MLIP: variants seen among roughly 807,000 people sequenced by gnomAD.
MLIP encodes muscular LMNA-interacting protein.
Under a neutral mutation model 84.8 loss-of-function variants are expected in MLIP, and 79 were observed. That is an observed-to-expected ratio of 0.93 (90% CI 0.78 to 1.12). The LOEUF (loss-of-function observed/expected upper bound fraction) is 1.12. Ranked by LOEUF, MLIP falls within the 50% of genes most tolerant of loss-of-function variation. MLIP has a pLI of 0.00. For synonymous variants in MLIP, 504 were observed against 463.0 expected, an observed-to-expected ratio of 1.09 and a Z score of -1.14; for missense variants, 1,257 against 1,160.6, an observed-to-expected ratio of 1.08 and a Z score of -1.21.
chr6:54,240,610 C>T lies in MLIP; in HGVS notation c.2922+9693C>T, dbSNP rs142185308. On this transcript the variant is annotated intron_variant, in intron 12 of 13. Transcript: ENST00000502396. ...AGCTGTAATAGTAGGACATTTAGTT[C>T]GGTTTCAAAACCCTAACTTTAGGAC... Among the ~76,000 whole-genome samples, 327 of 152,270 alleles carry T rather than the reference C, an allele frequency of 2.1e-3. 2 individuals are homozygous for T. Among genetic ancestry groups the T allele is most frequent in the African/African-American group, 7.5e-3 (312 of 41,560 alleles).
chr6:54,192,384 T>C (rs971584116), intron 10 of MLIP, among the ~76,000 whole-genome samples: 7 of 152,040 alleles, frequency 4.6e-5, no homozygotes, highest in Admixed American at 1.3e-4. Flanking sequence ...TGTGTTTATA[T>C]TAATACTACC....
At chr6:54,090,117 T>G (rs1332184721) in intron 1 of MLIP, among the ~76,000 whole-genome samples, 10 of 152,150 alleles carry the variant, frequency 6.6e-5, no homozygotes, top group Non-Finnish European at 1.5e-4. Context: ...TTTCTTATGC[T>G]TTTGGATATT....
chr6:54,123,798 G>A (rs1277679090), intron 2 of MLIP, among the ~76,000 whole-genome samples: 2 of 152,302 alleles, frequency 1.3e-5, no homozygotes, highest in African/African-American at 2.4e-5. Flanking sequence ...AGAAAAAGAA[G>A]TTTGGTAGCT....
At chr6:54,233,604 G>A (rs1406573082) in intron 12 of MLIP, among the ~76,000 whole-genome samples, 1 of 152,146 alleles carries the variant, frequency 6.6e-6, no homozygotes, top group Non-Finnish European at 1.5e-5. Context: ...TTGGTTCCAA[G>A]TCTTTGCTAT....
intron 1 of MLIP, among the ~76,000 whole-genome samples, chr6:54,105,503 G>A (rs1768944850): frequency 1.3e-5 from 2 of 152,192 alleles, no homozygotes; most frequent in Admixed American, 6.5e-5. Context: ...GCCTTTACAT[G>A]CCACATACTA....
chr6:54,122,935 C>CT lies in MLIP; in HGVS notation c.252+1347dup, dbSNP rs543020753. The stretch of plus-strand genomic sequence containing the variant: ...GTGTAATTCCTCATTCATTTATATT[C>CT]TTTTTTTTTTTTTTGAGACGGAGTC... On this transcript the variant is annotated intron_variant, in intron 2 of 13. Coordinates refer to ENST00000502396, the MANE Select transcript of MLIP (RefSeq NM_001281747.2). Among the ~76,000 whole-genome samples, 632 of 145,026 alleles carry CT rather than the reference C, an allele frequency of 4.4e-3. 2 individuals are homozygous for CT. Among genetic ancestry groups the CT allele is most frequent in the South Asian group, 0.022 (101 of 4,560 alleles).
Position 54,124,633 on chromosome 6 carries a change from C to G in MLIP, c.413C>G (p.Ala138Gly). Residue 138 changes from alanine to glycine, a missense_variant, in exon 3 of 14, where the codon GCT becomes GGT. Physicochemically the swap from Ala to Gly is moderately conservative, Grantham distance 60 (BLOSUM62 0). Coordinates refer to ENST00000502396, the MANE Select transcript of MLIP (RefSeq NM_001281747.2). ...ATGCAGCAAAGTGACCTCTTCAAAG[C>G]TGAATATGTCCTTATTGTGGACTCC... is the stretch of plus-strand genomic sequence containing the variant. ...QGMQQSDLFK[A>G]EYVLIVDSEG... is the part of the protein sequence containing the mutation. 6.2e-7 allele frequency: 1 copy of G among 1,614,172 alleles called. No individual in the cohort carries two copies. The highest frequency in any genetic ancestry group is 8.5e-7 in the Non-Finnish European group (1 of 1,180,034).
chr6:54,021,228 A>C (rs947084040), intron 1 of MLIP, among the ~76,000 whole-genome samples: 8 of 152,210 alleles, frequency 5.3e-5, no homozygotes, highest in Non-Finnish European at 1.2e-4. Flanking sequence ...TCTGAAATTT[A>C]TTCAATTTAT....
intron 1 of MLIP, among the ~76,000 whole-genome samples, chr6:54,051,484 C>T (rs768361985): frequency 4.6e-5 from 7 of 152,046 alleles, no homozygotes; most frequent in South Asian, 2.1e-4. Flanking sequence ...AAAACCCAAA[C>T]GTACAAAACT....
chr6:54,207,522 A>G (rs2754811), intron 11 of MLIP, among the ~76,000 whole-genome samples: 147,029 of 151,818 alleles, frequency 0.97, 71,378 homozygotes, highest in East Asian at 1. Flanking sequence ...AGTTGTTAAC[A>G]GGAATTTCTT....
intron 9 of MLIP, among the ~76,000 whole-genome samples, chr6:54,176,032 A>G (rs199700838): frequency 6.6e-6 from 1 of 152,168 alleles, no homozygotes; most frequent in East Asian, 1.9e-4. Flanking sequence ...TATCACATTG[A>G]TTGATTTGCA....
At chr6:54,087,960 A>T (rs1767614003) in intron 1 of MLIP, among the ~76,000 whole-genome samples, 1 of 152,106 alleles carries the variant, frequency 6.6e-6, no homozygotes, top group African/African-American at 2.4e-5. Flanking sequence ...GGGCAGGCTG[A>T]ACCTACTCAT....
At position 54,254,920 on chromosome 6, in the gene MLIP, G is replaced by A. The variant is rs533207148; in HGVS notation, c.2923-2388G>A. On this transcript the variant is annotated intron_variant, in intron 12 of 13. Coordinates refer to ENST00000502396, the MANE Select transcript of MLIP (RefSeq NM_001281747.2). ...GAGAAATCTGACCACATGACCACAC[G>A]TGTCCCCTACTTAAAGTACTTGAAC... 2.6e-5 allele frequency among the ~76,000 whole-genome samples: 4 copies of A among 151,840 alleles called. No homozygotes were observed. In the South Asian group the frequency reaches 8.3e-4, roughly 32 times the overall value.
chr6:54,105,470 C>A (rs1768942493), intron 1 of MLIP, among the ~76,000 whole-genome samples: 1 of 152,160 alleles, frequency 6.6e-6, no homozygotes, highest in East Asian at 1.9e-4. Context: ...TCAAAAAGTT[C>A]ATTGGACAAG....
Position 54,076,590 on chromosome 6 carries a change from T to C in MLIP, c.64-44857T>C, listed in dbSNP as rs1766818719. On this transcript the variant is annotated intron_variant, in intron 1 of 12. Transcript: ENST00000274897. ...TAAAATGAGGCATGTCTGTAGCCAC[T>C]GTTTGCAGGATTTCCTGTTGGACAG... 3.3e-5 allele frequency among the ~76,000 whole-genome samples: 5 copies of C among 152,382 alleles called. No individual in the cohort carries two copies. In the South Asian group the frequency reaches 1.0e-3, roughly 32 times the overall value.
chr6:54,076,358 A>T (rs1445330342), intron 1 of MLIP, among the ~76,000 whole-genome samples: 2 of 152,204 alleles, frequency 1.3e-5, no homozygotes, highest in Non-Finnish European at 2.9e-5. Context: ...ATGTAGACCC[A>T]ATTCAAACCA....
intron 8 of MLIP, among the ~76,000 whole-genome samples, chr6:54,161,554 T>G (rs544968149): frequency 6.6e-6 from 1 of 151,976 alleles, no homozygotes; most frequent in Non-Finnish European, 1.5e-5. Context: ...CTACTGATTT[T>G]TTTGGTCAGC....
At chr6:54,224,610 G>A (rs1780450572) in intron 11 of MLIP, among the ~76,000 whole-genome samples, 1 of 151,916 alleles carries the variant, frequency 6.6e-6, no homozygotes, top group South Asian at 2.1e-4. Flanking sequence ...ATAAGTTATT[G>A]GGGTATAGGT....
intron 9 of MLIP, among the ~76,000 whole-genome samples, chr6:54,179,358 C>CTT (rs2150629653): frequency 6.6e-6 from 1 of 152,188 alleles, no homozygotes; most frequent in Non-Finnish European, 1.5e-5. Flanking sequence ...TTCAGCCACT[C>CTT]TATGACTTTT....
Sources: gnomAD v4.1 joint callset for allele counts (sites outside exome capture counted in the v4.1 genomes callset) on GRCh38, gnomAD v4.1.1 for gene constraint, MANE v1.5 for transcripts, NCBI Gene and HGNC (gene_info 2026-07-23, HGNC 2026-07-21) for gene names.